Variants in CLIC5 observed in about 807,000 individuals in gnomAD.
CLIC5 encodes the protein CLIC family member 5.
Under a neutral mutation model 24.7 loss-of-function variants are expected in CLIC5, and 20 were observed. The ratio of observed to expected loss-of-function variants is 0.81; its 90% CI spans 0.57 to 1.18. The LOEUF is 1.18. Ranked by LOEUF, CLIC5 falls within the 50% of genes most tolerant of loss-of-function variation. The pLI is 0.00. For synonymous variants in CLIC5, 159 were observed against 135.6 expected (o/e 1.17, Z -1.20); for missense variants, 341 against 326.1 (o/e 1.05, Z -0.35).
chr6:46,053,226 G>A (rs757427692), intron 1 of CLIC5, among the ~76,000 whole-genome samples: 10 of 152,142 alleles, frequency 6.6e-5, no homozygotes, highest in East Asian at 5.8e-4. Context: ...TAATCATTCC[G>A]TGACAGACCG....
At chr6:46,120,269 T>C in the CLIC5 span, among the ~76,000 whole-genome samples, 1 of 152,164 alleles carries the variant, frequency 6.6e-6, no homozygotes. Context: ...ACATTTGCTG[T>C]TCAGCAATAT....
chr6:45,980,041 G>A (rs1399656484), intron 1 of CLIC5, among the ~76,000 whole-genome samples: 1 of 135,330 alleles, frequency 7.4e-6, no homozygotes, highest in Non-Finnish European at 1.5e-5. Context: ...AGGTCTAACA[G>A]TTAAGTCTTT....
upstream of CLIC5, among the ~76,000 whole-genome samples, chr6:46,018,248 TG>T (rs1204534886): frequency 6.6e-6 from 1 of 152,254 alleles, no homozygotes; most frequent in Non-Finnish European, 1.5e-5. Context: ...TTTGTTTTAA[TG>T]AAAAATGTGT....
At chr6:45,974,522 T>TAGAGAGAGAGAGAGAGAGAG (rs58729329) in intron 1 of CLIC5, among the ~76,000 whole-genome samples, 1 of 66,004 alleles carries the variant, frequency 1.5e-5, no homozygotes, top group African/African-American at 6.2e-5. Flanking sequence ...TATATATATA[T>TAGAGAGAGAGAGAGAGAGAG]AGAGAGAGAG....
At chr6:46,079,770 G>A (rs1433770309) in exon 1 of CLIC5, 1 of 1,551,978 alleles carries the variant, frequency 6.4e-7, no homozygotes. Context: ...TTCAGCATCA[G>A]AATAGCAGGA....
intron 1 of CLIC5, among the ~76,000 whole-genome samples, chr6:45,969,867 C>T (rs922133236): frequency 2.1e-5 from 3 of 145,674 alleles, no homozygotes; most frequent in Admixed American, 7.0e-5. Flanking sequence ...CACACTCCTA[C>T]GACAGGTCCT....
chr6:46,073,620 C>G (rs111256179), intron 1 of CLIC5, among the ~76,000 whole-genome samples: 1,704 of 152,328 alleles, frequency 0.011, 42 homozygotes, highest in African/African-American at 0.039. Context: ...ATGGTATCCT[C>G]CTCAGAACAT....
intron 6 of CLIC5, among the ~76,000 whole-genome samples, chr6:45,884,827 A>C (rs373704882): frequency 2.0e-5 from 3 of 151,950 alleles, no homozygotes; most frequent in East Asian, 1.9e-4. Flanking sequence ...ATGACAACAA[A>C]ATTTTGGGGA....
chr6:46,016,718 C>A (rs531863226), upstream of CLIC5, among the ~76,000 whole-genome samples: 1 of 152,308 alleles, frequency 6.6e-6, no homozygotes, highest in African/African-American at 2.4e-5. Context: ...ATGTTAGCCA[C>A]AGCCCTAGAA....
intron 4 of CLIC5, among the ~76,000 whole-genome samples, chr6:45,938,728 A>T (rs1764025133): frequency 6.6e-6 from 1 of 152,232 alleles, no homozygotes; most frequent in Non-Finnish European, 1.5e-5. Flanking sequence ...AAATATGGAT[A>T]ATATGTAAAC....
intron 1 of CLIC5, among the ~76,000 whole-genome samples, chr6:46,058,022 G>C (rs1442802990): frequency 6.6e-6 from 1 of 152,014 alleles, no homozygotes; most frequent in Admixed American, 6.6e-5. Flanking sequence ...CCCTGCCCCT[G>C]AAAGATCAAT....
At chr6:45,937,100 C>A (rs1763965610) in intron 4 of CLIC5, among the ~76,000 whole-genome samples, 1 of 152,040 alleles carries the variant, frequency 6.6e-6, no homozygotes, top group East Asian at 1.9e-4. Context: ...GAGAGTTGGG[C>A]CAGGCCACTG....
At chr6:45,974,440 C>A (rs1765309019) in intron 1 of CLIC5, among the ~76,000 whole-genome samples, 1 of 148,106 alleles carries the variant, frequency 6.8e-6, no homozygotes, top group Non-Finnish European at 1.5e-5. Context: ...AAATAGGAGA[C>A]TCAACAATAT....
At chr6:45,918,251 G>A (rs965503503) in intron 4 of CLIC5, among the ~76,000 whole-genome samples, 1 of 152,192 alleles carries the variant, frequency 6.6e-6, no homozygotes, top group Non-Finnish European at 1.5e-5. Flanking sequence ...GATTCATTGA[G>A]GTTGATATTA....
intron 4 of CLIC5, among the ~76,000 whole-genome samples, chr6:45,921,165 AG>A (rs1042177560): frequency 6.6e-6 from 1 of 152,146 alleles, no homozygotes; most frequent in Non-Finnish European, 1.5e-5. Flanking sequence ...ATGGCAGGTA[AG>A]GGGGGGCTGA....
At position 45,964,068 on chromosome 6, in the gene CLIC5, T is replaced by A. The variant is rs1426477565; in HGVS notation, c.64-8824A>T. Among the ~76,000 whole-genome samples, 6 of 152,342 alleles carry A rather than the reference T, an allele frequency of 3.9e-5. No homozygotes were observed. In the South Asian group the frequency reaches 1.2e-3, roughly 32 times the overall value. On this transcript the variant is annotated intron_variant, in intron 1 of 5. Transcript: ENST00000339561. Reference sequence around the variant, plus strand: ...TCTTGGGAAGGAAGAATGGTTCTCATATGTTAATATTATCAACCTTCACCA... The same window carrying A: ...TCTTGGGAAGGAAGAATGGTTCTCAAATGTTAATATTATCAACCTTCACCA...
intron 3 of CLIC5, among the ~76,000 whole-genome samples, chr6:45,947,669 T>C (rs1179642844): frequency 6.6e-6 from 1 of 152,158 alleles, no homozygotes; most frequent in South Asian, 2.1e-4. Context: ...ACTCTAGTTA[T>C]TGAAAACAGC....
At chr6:45,979,508 C>G (rs1765496595) in intron 1 of CLIC5, among the ~76,000 whole-genome samples, 1 of 152,220 alleles carries the variant, frequency 6.6e-6, no homozygotes, top group Non-Finnish European at 1.5e-5. Context: ...GTGGGCTCCA[C>G]CCACTCTTCC....
Position 46,015,484 on chromosome 6 carries a change from A to G in CLIC5, c.59T>C (p.Val20Ala). ...DDRDPEIELF[V>A]KAGIDGESIG... Reference sequence around the variant, plus strand: ...GGAGACTGGACCCCGACCTACCTTCACAAAGAGCTCGATCTCGGGGTCCCT... The same window carrying G: ...GGAGACTGGACCCCGACCTACCTTCGCAAAGAGCTCGATCTCGGGGTCCCT... Residue 20 changes from valine (V) to alanine (A), a missense_variant, in exon 1 of 6, where the codon GTG (valine) becomes GCG (alanine). Physicochemically the swap from Val to Ala is moderately conservative, Grantham distance 64 (BLOSUM62 0). Coordinates refer to ENST00000339561, the MANE Select transcript of CLIC5 (RefSeq NM_016929.5). The G allele has an allele frequency of 2.6e-6, 4 of 1,546,304 alleles. No homozygotes were observed. In the South Asian group the frequency reaches 4.8e-5, roughly 19 times the overall value.
Sources: gnomAD v4.1 joint callset for allele counts (sites outside exome capture counted in the v4.1 genomes callset) on GRCh38, gnomAD v4.1.1 for gene constraint, MANE v1.5 for transcripts, NCBI Gene and HGNC (gene_info 2026-07-23, HGNC 2026-07-21) for gene names.